The following TTC32 variants were observed in gnomAD, a reference collection of about 807,000 sequenced individuals.
TTC32 encodes the protein tetratricopeptide repeat protein 32.
Under a neutral mutation model 15.3 loss-of-function variants are expected in TTC32, and 16 were observed. That is an observed-to-expected ratio of 1.05 (90% CI 0.71 to 1.59). The LOEUF (loss-of-function observed/expected upper bound fraction) is 1.59. Among genes scored for constraint, TTC32 ranks in the 40% most tolerant of loss-of-function variants. The probability of loss-of-function intolerance (pLI) is 0.00; values close to 1 mark genes in which losing one functional copy is unlikely to be tolerated. For synonymous variants in TTC32, 89 were observed against 67.8 expected, an observed-to-expected ratio of 1.31 and a Z score of -1.53; for missense variants, 188 against 181.9, an observed-to-expected ratio of 1.03 and a Z score of -0.19.
chr2:19,898,232 G>A, intron 1 of TTC32, 197 bp from the exon 2 acceptor site: 2 of 460,962 alleles, frequency 4.3e-6, no homozygotes, highest in Non-Finnish European at 7.6e-6. Context: ...TACTTTTGTA[G>A]GGTTATACCA....
At chr2:19,901,388 A>C in intron 1 of TTC32, 6 of 334,810 alleles carry the variant, frequency 1.8e-5, no homozygotes, top group Non-Finnish European at 2.3e-5. Flanking sequence ...CGAATGAGGA[A>C]CGTGGAAGGA....
intron 1 of TTC32, chr2:19,901,112 A>C (rs1669594625): frequency 2.1e-6 from 1 of 470,872 alleles, no homozygotes; most frequent in Admixed American, 2.4e-5. Context: ...GTTCCTTCTG[A>C]AACATCCATG....
rs911204263 is a variant in TTC32 at position 19,901,978 on chromosome 2, G to A, written c.-124C>T. The A allele has an allele frequency of 5.8e-6, 7 of 1,216,668 alleles. No homozygotes were observed. The African/African-American group carries it at 7.6e-5, about 13-fold the overall frequency. 75.4% of individuals were successfully genotyped at this position (1,216,668 alleles called of 1,614,324 possible). ...GACAGCCAACCTTGGCGCTAGGTTT[G>A]TGCCTTATGGGGATCCGTCGTCTCG... On this transcript the variant is annotated 5_prime_UTR_variant, in exon 1 of 3. Coordinates refer to ENST00000333610, the MANE Select transcript of TTC32 (RefSeq NM_001008237.3).
In TTC32 at chr2:19,898,030, C is replaced by G; in HGVS notation, c.155G>C (p.Cys52Ser). Reference protein sequence around the residue: ...ASSDESPGSKCSPEDLATAYN... With the variant: ...ASSDESPGSKSSPEDLATAYN... ...TGCAGTAGCCAAATCCTCAGGGCTGCATTTGCTTTAAACAAAAAGTTCACA... is the reference window on the plus strand; with the variant it reads ...TGCAGTAGCCAAATCCTCAGGGCTGGATTTGCTTTAAACAAAAAGTTCACA... Residue 52 changes from cysteine to serine, a missense_variant, in exon 2 of 3, where the codon TGC becomes TCC. Cys to Ser is a moderately radical substitution (Grantham distance 112). Coordinates refer to ENST00000333610, the MANE Select transcript of TTC32 (RefSeq NM_001008237.3). 3 of 1,518,322 alleles carry G rather than the reference C, an allele frequency of 2.0e-6. No individual in the cohort carries two copies. The highest frequency in any genetic ancestry group is 2.7e-6 in the Non-Finnish European group (3 of 1,123,140). 94.1% of individuals were successfully genotyped at this position (1,518,322 alleles called of 1,614,324 possible). A position where few individuals can be genotyped will look rare whatever the true frequency, so the allele number is the denominator to read the frequency against.
At chr2:19,901,572 T>G in intron 1 of TTC32, 134 bp downstream of exon 1, 1 of 1,253,414 alleles carries the variant, frequency 8.0e-7, no homozygotes. Context: ...AAGACGAACG[T>G]CCGCCCGCTC....
chr2:19,899,444 A>G (rs1669565901), intron 1 of TTC32, among the ~76,000 whole-genome samples: 2 of 150,984 alleles, frequency 1.3e-5, no homozygotes, highest in South Asian at 4.3e-4. Flanking sequence ...CGTAATATAG[A>G]GAATCATAAA....
At chr2:19,899,680 T>A (rs537873106) in intron 1 of TTC32, among the ~76,000 whole-genome samples, 196 of 150,136 alleles carry the variant, frequency 1.3e-3, no homozygotes, top group African/African-American at 4.4e-3. Context: ...AAAATATTTT[T>A]TATATATATA....
intron 1 of TTC32, among the ~76,000 whole-genome samples, chr2:19,898,679 A>G (rs1325165015): frequency 1.3e-5 from 2 of 152,126 alleles, no homozygotes; most frequent in Non-Finnish European, 2.9e-5. Flanking sequence ...GGCTCCAGTC[A>G]ATTTTGATGT....
rs776276230 is a variant in TTC32 at position 19,901,732 on chromosome 2, C to T, written c.123G>A (p.Ala41=). 10 of 1,613,324 alleles carry T rather than the reference C, an allele frequency of 6.2e-6. No individual in the cohort carries two copies. Among genetic ancestry groups the T allele is most frequent in the Non-Finnish European group, 6.8e-6 (8 of 1,179,522 alleles). The part of the protein sequence containing the change: ...YSAYIRRCAC[A]ASSDESPGSK... ...TCCCGGGACTCTCGTCGCTGGAGGC[C>T]GCGCAAGCGCACCGGCGAATGTAAG... is the stretch of plus-strand genomic sequence containing the variant. Residue 41 remains alanine, a synonymous_variant, in exon 1 of 3, where the codon GCG becomes GCA. Transcript: ENST00000333610.
At chr2:19,897,766 G>T in intron 2 of TTC32, 103 bp downstream of exon 2, 1 of 1,011,918 alleles carries the variant, frequency 9.9e-7, no homozygotes, top group Non-Finnish European at 1.4e-6. Flanking sequence ...AAATTTCACA[G>T]AACTTTAAAA....
chr2:19,901,232 A>G, intron 1 of TTC32: 5 of 331,194 alleles, frequency 1.5e-5, no homozygotes, highest in South Asian at 1.1e-4. Flanking sequence ...GAAAAACACC[A>G]CCAAGAGCCT....
In TTC32 at chr2:19,901,772, T is replaced by C. The variant is rs774444750; in HGVS notation, c.83A>G (p.Glu28Gly). 6.2e-7 allele frequency: 1 copy of C among 1,614,190 alleles called. No homozygotes were observed. Among genetic ancestry groups the C allele is most frequent in the Non-Finnish European group, 8.5e-7 (1 of 1,180,024 alleles). The change falls in exon 1 of 3, where the codon GAG becomes GGG. Residue 28 changes from glutamate to glycine, a missense_variant. Coordinates refer to ENST00000333610, the MANE Select transcript of TTC32 (RefSeq NM_001008237.3). ...HFNNGEYAEA[E>G]ALYSAYIRRC... ...GCGAATGTAAGCGGAGTACAGTGCC[T>C]CGGCCTCCGCGTACTCTCCATTGTT...
At chr2:19,901,619 A>G in intron 1 of TTC32, 87 bp downstream of exon 1, 8 of 1,503,994 alleles carry the variant, frequency 5.3e-6, no homozygotes, top group Non-Finnish European at 6.2e-6. Flanking sequence ...GCCGACCGTG[A>G]GCTCCAGAGG....
chr2:19,898,238 T>C, intron 1 of TTC32: 1 of 452,532 alleles, frequency 2.2e-6, no homozygotes, highest in Non-Finnish European at 3.9e-6. Flanking sequence ...TGTAGGGTTA[T>C]ACCACTGCAA....
chr2:19,897,994 C>T lies in TTC32; in HGVS notation c.191G>A (p.Arg64Lys), dbSNP rs1342610549. 6 of 1,606,552 alleles carry T rather than the reference C, an allele frequency of 3.7e-6. No homozygotes were observed. The African/African-American group carries it at 8.0e-5, about 21-fold the overall frequency. Reference protein sequence around the residue: ...PEDLATAYNNRGQIKYFRVDF... With the variant: ...PEDLATAYNNKGQIKYFRVDF... The stretch of plus-strand genomic sequence containing the variant: ...AACCCTGAAGTACTTGATTTGCCCC[C>T]TGTTGTTATATGCAGTAGCCAAATC... Residue 64 changes from arginine to lysine, a missense_variant, in exon 2 of 3, where the codon AGG becomes AAG. By Grantham distance (26) the Arg-to-Lys change is conservative (BLOSUM62 2). Coordinates refer to ENST00000333610, the MANE Select transcript of TTC32 (RefSeq NM_001008237.3).
rs985462057 is a variant in TTC32, at chr2:19,901,963, C to G, written c.-109G>C. 3.6e-6 allele frequency: 5 copies of G among 1,388,506 alleles called. No homozygotes were observed. Among genetic ancestry groups the G allele is most frequent in the Non-Finnish European group, 3.0e-6 (3 of 1,010,926 alleles). 86.0% of individuals were successfully genotyped at this position (1,388,506 alleles called of 1,614,324 possible). ...CCTGGAATCTACCTTGACAGCCAAC[C>G]TTGGCGCTAGGTTTGTGCCTTATGG... On this transcript the variant is annotated 5_prime_UTR_variant, in exon 1 of 3. Transcript: ENST00000333610.
In TTC32 at chr2:19,896,840, A is replaced by G; in HGVS notation, c.*147T>C. ...TTAAAAAAAACCCATTCAACCTGAAATTAACTACCTTAAACACACTATTTA... is the reference window on the plus strand; with the variant it reads ...TTAAAAAAAACCCATTCAACCTGAAGTTAACTACCTTAAACACACTATTTA... On this transcript the variant is annotated 3_prime_UTR_variant, in exon 3 of 3. Coordinates refer to ENST00000333610, the MANE Select transcript of TTC32 (RefSeq NM_001008237.3). The G allele has an allele frequency of 1.6e-6, 1 of 619,222 alleles. No individual in the cohort carries two copies. The highest frequency in any genetic ancestry group is 2.4e-6 in the Non-Finnish European group (1 of 420,592). 38.4% of individuals were successfully genotyped at this position (619,222 alleles called of 1,614,324 possible).
At chr2:19,900,399 T>A (rs1669582178) in intron 1 of TTC32, among the ~76,000 whole-genome samples, 1 of 152,214 alleles carries the variant, frequency 6.6e-6, no homozygotes, top group Non-Finnish European at 1.5e-5. Context: ...ATTTTCTTTC[T>A]GGTTTAATTC....
At chr2:19,899,517 T>C (rs1669567648) in intron 1 of TTC32, among the ~76,000 whole-genome samples, 1 of 151,992 alleles carries the variant, frequency 6.6e-6, no homozygotes, top group Non-Finnish European at 1.5e-5. Flanking sequence ...TGTGGAAATT[T>C]TGTTTCATAT....
Sources: allele counts gnomAD v4.1 joint callset (sites outside exome capture counted in the v4.1 genomes callset), GRCh38; gene constraint gnomAD v4.1.1; transcripts MANE v1.5; gene names NCBI Gene and HGNC (gene_info 2026-07-23, HGNC 2026-07-21).